The following PLEKHA6 variants were observed in gnomAD, a reference collection of about 807,000 sequenced individuals.
The protein encoded by PLEKHA6 is pleckstrin homology domain containing A6.
PLEKHA6 carries 60 observed loss-of-function variants against 116.7 expected under a neutral mutation model. The observed-to-expected ratio is 0.51, with a 90% CI of 0.42 to 0.64. The LOEUF (loss-of-function observed/expected upper bound fraction) is 0.64, where lower values mean the gene tolerates loss of function less well. Ranked by LOEUF, PLEKHA6 falls within the 30% of genes least tolerant of loss-of-function variation. The probability of loss-of-function intolerance (pLI) is 0.00; values close to 1 mark genes in which losing one functional copy is unlikely to be tolerated. For missense variants in PLEKHA6, 1,338 were observed against 1,422.7 expected (o/e 0.94, Z 0.96); for synonymous variants, 489 against 556.1 (o/e 0.88, Z 1.70).
Position 204,261,008 on chromosome 1 carries a change from G to T in PLEKHA6, c.524+298C>A, listed in dbSNP as rs539538690. 6.6e-6 allele frequency among the ~76,000 whole-genome samples: 1 copy of T among 152,142 alleles called. No homozygotes were observed. The highest frequency in any genetic ancestry group is 2.4e-5 in the African/African-American group (1 of 41,434). ...GGCGGTGTGCTTAACACACACAGCC[G>T]AGAAAAACCAGCAAATGACCCTGAC... On this transcript the variant is annotated intron_variant, in intron 7 of 22. Coordinates refer to ENST00000272203, the MANE Select transcript of PLEKHA6 (RefSeq NM_014935.5). This position sits in a 1 kb window ranked among gnomAD's most constrained non-coding sequence, Gnocchi z 4.0.
intron 1 of PLEKHA6, chr1:204,313,465 A>G: frequency 4.8e-6 from 3 of 619,022 alleles, no homozygotes; most frequent in Non-Finnish European, 6.1e-6. Flanking sequence ...GAACATAGGG[A>G]TGACCTCCCC....
In PLEKHA6 at chr1:204,228,727, C is replaced by T. The variant is rs764357095; in HGVS notation, c.2885+1G>A. Reference sequence around the variant, plus strand: ...AGTAGAGGCTCACCCAGGCTGGTTACCTGGATTTGGCAATGAGTGTCTTGA... The same window carrying T: ...AGTAGAGGCTCACCCAGGCTGGTTATCTGGATTTGGCAATGAGTGTCTTGA... On this transcript the variant is annotated splice_donor_variant, in intron 20 of 22. Transcript: ENST00000272203. LOFTEE classifies it high-confidence loss of function. This position sits in a 1 kb window ranked among gnomAD's most constrained non-coding sequence, Gnocchi z 4.0. 6.2e-7 allele frequency: 1 copy of T among 1,613,972 alleles called. No individual in the cohort carries two copies. Among genetic ancestry groups the T allele is most frequent in the Non-Finnish European group, 8.5e-7 (1 of 1,179,900 alleles).
intron 10 of PLEKHA6, 68 bp downstream of exon 10, chr1:204,250,478 C>T: frequency 9.5e-7 from 1 of 1,056,684 alleles, no homozygotes; most frequent in South Asian, 1.3e-5. Flanking sequence ...GATGGAGAGA[C>T]AGCCCCCCGC....
intron 1 of PLEKHA6, among the ~76,000 whole-genome samples, chr1:204,296,852 A>G (rs539662147): frequency 6.6e-6 from 1 of 152,298 alleles, no homozygotes; most frequent in South Asian, 2.1e-4. Context: ...TTCTCCTTCC[A>G]GCCTCAGTAC....
intron 15 of PLEKHA6, among the ~76,000 whole-genome samples, chr1:204,242,058 C>A (rs1662904746): frequency 6.6e-6 from 1 of 152,148 alleles, no homozygotes; most frequent in Non-Finnish European, 1.5e-5. Context: ...CCCTAGGAGG[C>A]CCCTCAACCT....
chr1:204,219,625 G>C lies in PLEKHA6; in HGVS notation c.*3163C>G, dbSNP rs1659445596. On this transcript the variant is annotated 3_prime_UTR_variant, in exon 23 of 23. Coordinates refer to ENST00000272203, the MANE Select transcript of PLEKHA6 (RefSeq NM_014935.5). ...CAGGGTGTCAGTAAATGCCCCAGGTGGGAGGCCAGGCTTCAAACGCTGGCC... is the reference window on the plus strand; with the variant it reads ...CAGGGTGTCAGTAAATGCCCCAGGTCGGAGGCCAGGCTTCAAACGCTGGCC... The C allele has an allele frequency of 6.6e-6, 1 of 152,202 alleles. No homozygotes were observed. Among genetic ancestry groups the C allele is most frequent in the East Asian group, 1.9e-4 (1 of 5,192 alleles). 9.4% of individuals were successfully genotyped at this position (152,202 alleles called of 1,614,324 possible).
At chr1:204,284,237 T>C (rs1425309461) in intron 1 of PLEKHA6, among the ~76,000 whole-genome samples, 1 of 152,168 alleles carries the variant, frequency 6.6e-6, no homozygotes, top group Non-Finnish European at 1.5e-5. Flanking sequence ...GCCTCCTGGC[T>C]GGAGGGTAGC....
chr1:204,330,738 AGCCCTCCCAAG>A (rs111236473), intron 1 of PLEKHA6, among the ~76,000 whole-genome samples: 45,319 of 151,794 alleles, frequency 0.3, 6,892 homozygotes, highest in African/African-American at 0.36. Context: ...AAGAGGAAGC[AGCCCTCCCAAG>A]GCCCCACCAT....
At chr1:204,266,627 C>T (rs183760896) in intron 5 of PLEKHA6, among the ~76,000 whole-genome samples, 1 of 151,774 alleles carries the variant, frequency 6.6e-6, no homozygotes, top group African/African-American at 2.4e-5. Flanking sequence ...AATACAGCAA[C>T]CAGCAACAGC....
intron 1 of PLEKHA6, among the ~76,000 whole-genome samples, chr1:204,333,001 T>G (rs776169515): frequency 1.3e-5 from 2 of 152,180 alleles, no homozygotes; most frequent in Non-Finnish European, 2.9e-5. Context: ...CTGCCCCACC[T>G]AGGGAGGAGG....
chr1:204,302,688 C>T (rs969966923), intron 1 of PLEKHA6, among the ~76,000 whole-genome samples: 2 of 152,108 alleles, frequency 1.3e-5, no homozygotes, highest in Non-Finnish European at 2.9e-5. Context: ...ACCAGCCTGA[C>T]CAACATGGAG....
chr1:204,253,869 A>G (rs1289448543), intron 9 of PLEKHA6, among the ~76,000 whole-genome samples: 1 of 152,012 alleles, frequency 6.6e-6, no homozygotes, highest in African/African-American at 2.4e-5. Context: ...AAAACAAACA[A>G]ACAAACAAAA....
intron 1 of PLEKHA6, among the ~76,000 whole-genome samples, chr1:204,294,176 A>T (rs1670044579): frequency 6.6e-6 from 1 of 152,182 alleles, no homozygotes; most frequent in Admixed American, 6.5e-5. Flanking sequence ...CTCCAATTCC[A>T]GGCCATCCCA....
chr1:204,262,466 C>T (rs1246189705), intron 6 of PLEKHA6, among the ~76,000 whole-genome samples: 1 of 152,168 alleles, frequency 6.6e-6, no homozygotes, highest in East Asian at 1.9e-4. Flanking sequence ...CAGCACACTT[C>T]CCAGTGAGAT....
chr1:204,312,934 T>G (rs1671714695), intron 1 of PLEKHA6, among the ~76,000 whole-genome samples: 1 of 151,000 alleles, frequency 6.6e-6, no homozygotes, highest in Non-Finnish European at 1.5e-5. Context: ...TTCCTTGCAT[T>G]GCCCAGGCCA....
intron 15 of PLEKHA6, among the ~76,000 whole-genome samples, chr1:204,242,602 G>A (rs972037704): frequency 2.0e-5 from 3 of 152,162 alleles, no homozygotes; most frequent in Non-Finnish European, 4.4e-5. Flanking sequence ...CTGGATCTTG[G>A]CTAGGGATGC....
In PLEKHA6 at chr1:204,249,209, A is replaced by G; in HGVS notation, c.1649T>C (p.Leu550Pro). ...CTTCTCAGCTCGGAGCTGCTGCACC[A>G]GCCGGTCCTGCTCCCTCACCACCTT... The part of the protein sequence containing the change: ...QNKVVREQDR[L>P]VQQLRAEKES... Residue 550 changes from leucine to proline, a missense_variant, in exon 11 of 23, where the codon CTG becomes CCG. By Grantham distance (98) the Leu-to-Pro change is moderately conservative. Around this residue, in one of 3 missense-constraint regions of PLEKHA6, gnomAD observed 1,136 missense variants for 1,163.6 expected, o/e 0.98. Coordinates refer to ENST00000272203, the MANE Select transcript of PLEKHA6 (RefSeq NM_014935.5). 6.2e-7 allele frequency: 1 copy of G among 1,613,984 alleles called. No individual in the cohort carries two copies. The highest frequency in any genetic ancestry group is 8.5e-7 in the Non-Finnish European group (1 of 1,179,820).
At chr1:204,307,044 T>C (rs4284303) in intron 1 of PLEKHA6, among the ~76,000 whole-genome samples, 35,735 of 152,098 alleles carry the variant, frequency 0.23, 4,356 homozygotes, top group South Asian at 0.3. Context: ...TGAACATTTA[T>C]GCAATATTCT....
intron 17 of PLEKHA6, among the ~76,000 whole-genome samples, chr1:204,239,964 G>C (rs1662573810): frequency 6.6e-6 from 1 of 152,152 alleles, no homozygotes; most frequent in Admixed American, 6.5e-5. Context: ...TCGTTCCAGA[G>C]GGAGGAACGC....
Sources: gnomAD v4.1 joint callset for allele counts (sites outside exome capture counted in the v4.1 genomes callset) on GRCh38, gnomAD v4.1.1 for gene constraint, gnomAD v4.1.1 regional missense constraint, Gnocchi (gnomAD v3.1) non-coding constraint, MANE v1.5 for transcripts, NCBI Gene and HGNC (gene_info 2026-07-23, HGNC 2026-07-21) for gene names.